CDH18: variants seen among roughly 807,000 people sequenced by gnomAD.
CDH18 encodes the protein cadherin-18.
In CDH18, 31 loss-of-function variants were observed where a neutral mutation model predicts 67.9. That is an observed-to-expected ratio of 0.46 (90% CI 0.34 to 0.62). The LOEUF (loss-of-function observed/expected upper bound fraction) is 0.62, where lower values mean the gene tolerates loss of function less well. CDH18 is among the 20% of genes least tolerant of loss of function. The pLI, the probability that CDH18 is intolerant of heterozygous loss-of-function variation, is 0.01. For missense variants in CDH18, 890 were observed against 975.5 expected (o/e 0.91, Z 1.17); for synonymous variants, 362 against 347.2 (o/e 1.04, Z -0.48).
At chr5:20,231,555 C>T (rs1742079561) in intron 2 of CDH18, among the ~76,000 whole-genome samples, 1 of 151,214 alleles carries the variant, frequency 6.6e-6, no homozygotes, top group African/African-American at 2.4e-5. Flanking sequence ...GCCAAGATCG[C>T]ACCATTGGCA....
chr5:19,512,197 T>C (rs1056437948), intron 10 of CDH18, among the ~76,000 whole-genome samples: 4 of 152,202 alleles, frequency 2.6e-5, no homozygotes, highest in Non-Finnish European at 5.9e-5. Context: ...CTAGCAACCA[T>C]TGTTGTGCCA....
intron 3 of CDH18, among the ~76,000 whole-genome samples, chr5:19,757,566 A>C (rs1732205630): frequency 6.6e-6 from 1 of 152,196 alleles, no homozygotes; most frequent in South Asian, 2.1e-4. Flanking sequence ...TGGTATCCAC[A>C]GATCAGGTCA....
rs186939548 is a variant in CDH18, at chr5:20,053,603, A to T, written c.-517-61589T>A. ...CACAAACACTAAAATGAATCTTATC[A>T]GTCCTTCCTTCAAAATATACACAGA... On this transcript the variant is annotated intron_variant, in intron 2 of 14. Transcript: ENST00000507958. Among the ~76,000 whole-genome samples, 15 of 152,198 alleles carry T rather than the reference A, an allele frequency of 9.9e-5. No individual in the cohort carries two copies. In the East Asian group the frequency reaches 2.9e-3, roughly 29 times the overall value.
intron 1 of CDH18, among the ~76,000 whole-genome samples, chr5:20,411,243 G>T (rs1055170015): frequency 5.9e-5 from 9 of 151,872 alleles, no homozygotes; most frequent in African/African-American, 2.2e-4. Context: ...TGTGCTACTG[G>T]CATAAAAACC....
At chr5:20,079,917 C>T (rs1744304473) in intron 2 of CDH18, among the ~76,000 whole-genome samples, 1 of 152,038 alleles carries the variant, frequency 6.6e-6, no homozygotes, top group South Asian at 2.1e-4. Context: ...GAGAGGGCAG[C>T]AGAGAAAGAA....
chr5:20,486,825 T>C (rs1753222574), intron 1 of CDH18, among the ~76,000 whole-genome samples: 1 of 151,856 alleles, frequency 6.6e-6, no homozygotes, highest in Non-Finnish European at 1.5e-5. Flanking sequence ...TTCTTTTATG[T>C]TAACTTTTGT....
intron 1 of CDH18, among the ~76,000 whole-genome samples, chr5:20,500,414 A>G (rs1221470545): frequency 6.6e-6 from 1 of 152,150 alleles, no homozygotes; most frequent in African/African-American, 2.4e-5. Flanking sequence ...TATTTAATAT[A>G]CCAAATATCC....
At chr5:20,004,991 A>G (rs1736774287) in intron 2 of CDH18, among the ~76,000 whole-genome samples, 1 of 152,220 alleles carries the variant, frequency 6.6e-6, no homozygotes, top group Non-Finnish European at 1.5e-5. Flanking sequence ...AGTAAATTTG[A>G]AGAGCCAATA....
chr5:19,970,804 TAA>T lies in CDH18; in HGVS notation c.-257+10254_-257+10255del, dbSNP rs557770548. On this transcript the variant is annotated intron_variant, in intron 2 of 12. Transcript: ENST00000382275. ...TTATTCTACATATATTAAATATATA[TAA>T]GTGTTTAAAATAATAAAGAAGATAG... Among the ~76,000 whole-genome samples, 780 of 151,070 alleles carry T rather than the reference TAA, an allele frequency of 5.2e-3. 9 individuals are homozygous for T. Among genetic ancestry groups the T allele is most frequent in the African/African-American group, 0.015 (611 of 41,424 alleles).
At chr5:19,592,158 A>C (rs1745250706) in intron 6 of CDH18, among the ~76,000 whole-genome samples, 1 of 152,022 alleles carries the variant, frequency 6.6e-6, no homozygotes, top group African/African-American at 2.4e-5. Flanking sequence ...ATAGAAAAGT[A>C]TATGTACACA....
At chr5:20,184,616 G>A (rs1737950406) in intron 2 of CDH18, among the ~76,000 whole-genome samples, 1 of 152,082 alleles carries the variant, frequency 6.6e-6, no homozygotes, top group African/African-American at 2.4e-5. Context: ...TTCTGTTAGG[G>A]TTGAACTGAA....
In CDH18 at chr5:20,514,436, C is replaced by T. The variant is rs115026803; in HGVS notation, c.-580+61026G>A. On this transcript the variant is annotated intron_variant, in intron 1 of 14. Transcript: ENST00000507958. Reference sequence around the variant, plus strand: ...TCATACCAATGTCAAGCTTGGTCGTCATGCTTTTTAAAAAGTCACAAAATC... The same window carrying T: ...TCATACCAATGTCAAGCTTGGTCGTTATGCTTTTTAAAAAGTCACAAAATC... Among the ~76,000 whole-genome samples, 454 of 152,194 alleles carry T rather than the reference C, an allele frequency of 3.0e-3. 1 individual carries two copies. The highest frequency in any genetic ancestry group is 0.01 in the African/African-American group (435 of 41,544).
rs934443094 is a variant in CDH18 at position 19,669,156 on chromosome 5, CATATATCAT to C, written c.643+52182_643+52190del. ...ATATATCATACATTATATATAATAT[CATATATCAT>C]ATATATCATAATAATACAATATAAT... is the stretch of plus-strand genomic sequence containing the variant. On this transcript the variant is annotated intron_variant, in intron 5 of 12. Coordinates refer to ENST00000382275, the MANE Select transcript of CDH18 (RefSeq NM_004934.5). Among the ~76,000 whole-genome samples the C allele has an allele frequency of 3.2e-4, 46 of 144,042 alleles. No individual in the cohort carries two copies. The East Asian group carries it at 6.2e-3, about 19-fold the overall frequency. 94.5% of individuals were successfully genotyped at this position (144,042 alleles called of 152,430 possible).
intron 5 of CDH18, among the ~76,000 whole-genome samples, chr5:19,653,182 A>G: frequency 6.6e-6 from 1 of 152,022 alleles, no homozygotes; most frequent in East Asian, 1.9e-4. Flanking sequence ...CATTACATTT[A>G]CACCAACTTA....
intron 1 of CDH18, among the ~76,000 whole-genome samples, chr5:20,403,963 A>G (rs1240284783): frequency 1.3e-5 from 2 of 152,190 alleles, no homozygotes; most frequent in African/African-American, 4.8e-5. Flanking sequence ...TTCATCAAAG[A>G]TCTTAGCTGA....
intron 10 of CDH18, among the ~76,000 whole-genome samples, chr5:19,504,604 A>T (rs1234287476): frequency 2.6e-5 from 4 of 152,094 alleles, no homozygotes; most frequent in African/African-American, 9.7e-5. Flanking sequence ...TAAAATGTCA[A>T]TATTTTAAGT....
At chr5:20,334,791 C>CACACAA (rs1319501854) in intron 1 of CDH18, among the ~76,000 whole-genome samples, 5 of 149,118 alleles carry the variant, frequency 3.4e-5, no homozygotes, top group African/African-American at 1.3e-4. Context: ...CACACACACA[C>CACACAA]AAATGGCTTC....
At chr5:20,040,454 G>A (rs1320804814) in intron 2 of CDH18, among the ~76,000 whole-genome samples, 1 of 152,076 alleles carries the variant, frequency 6.6e-6, no homozygotes, top group Non-Finnish European at 1.5e-5. Flanking sequence ...GTTTTAAGAG[G>A]ACTTTGAATC....
chr5:20,278,778 C>A (rs1746000168), intron 1 of CDH18, among the ~76,000 whole-genome samples: 2 of 151,970 alleles, frequency 1.3e-5, no homozygotes, highest in Non-Finnish European at 2.9e-5. Flanking sequence ...GCCTATTTGA[C>A]AGTCTGATTG....
Sources: allele counts gnomAD v4.1 joint callset (sites outside exome capture counted in the v4.1 genomes callset), GRCh38; gene constraint gnomAD v4.1.1; transcripts MANE v1.5; gene names NCBI Gene and HGNC (gene_info 2026-07-23, HGNC 2026-07-21).